GABRB3: variants seen among roughly 807,000 people sequenced by gnomAD.
GABRB3 encodes the protein gamma-aminobutyric acid type A receptor subunit beta3.
A neutral mutation model predicts 52.1 loss-of-function variants in GABRB3; 14 were observed. That is an observed-to-expected ratio of 0.27 (90% CI 0.18 to 0.42). GABRB3 has a LOEUF of 0.42. Ranked by LOEUF, GABRB3 falls within the 10% of genes least tolerant of loss-of-function variation. The pLI is 1.00. For missense variants in GABRB3, 307 were observed against 609.1 expected (o/e 0.50, Z 5.22); for synonymous variants, 260 against 232.3 (o/e 1.12, Z -1.08).
chr15:26,676,061 A>G (rs1888059069), intron 3 of GABRB3, among the ~76,000 whole-genome samples: 1 of 152,200 alleles, frequency 6.6e-6, no homozygotes, highest in Non-Finnish European at 1.5e-5. Flanking sequence ...TGTCCTTAAG[A>G]AAGGAATTGA....
At chr15:26,571,819 G>C (rs1374773895) in intron 6 of GABRB3, among the ~76,000 whole-genome samples, 1 of 152,070 alleles carries the variant, frequency 6.6e-6, no homozygotes, top group Non-Finnish European at 1.5e-5. Context: ...GGAAGTCAAG[G>C]CAGGTGAATC....
intron 7 of GABRB3, among the ~76,000 whole-genome samples, chr15:26,561,487 A>G (rs1466452217): frequency 6.6e-6 from 1 of 150,480 alleles, no homozygotes; most frequent in African/African-American, 2.4e-5. Context: ...AAGAAGAGAT[A>G]TGTAGAGCAG....
chr15:26,766,710 C>T (rs1891006425), intron 3 of GABRB3, among the ~76,000 whole-genome samples: 1 of 151,634 alleles, frequency 6.6e-6, no homozygotes, highest in Non-Finnish European at 1.5e-5. Context: ...ACTGCAACTC[C>T]AACTGCAACC....
intron 3 of GABRB3, among the ~76,000 whole-genome samples, chr15:26,656,328 A>G (rs1350147538): frequency 6.6e-6 from 1 of 152,186 alleles, no homozygotes; most frequent in Non-Finnish European, 1.5e-5. Flanking sequence ...CCTAAACTTC[A>G]TAAATAGCAA....
chr15:26,548,924 A>C (rs1405555928), intron 8 of GABRB3, among the ~76,000 whole-genome samples: 1 of 152,126 alleles, frequency 6.6e-6, no homozygotes, highest in Non-Finnish European at 1.5e-5. Context: ...TTCTTAAATG[A>C]ACTAGTAGCA....
intron 3 of GABRB3, among the ~76,000 whole-genome samples, chr15:26,744,173 C>G (rs1453840901): frequency 6.6e-6 from 1 of 152,130 alleles, no homozygotes; most frequent in Non-Finnish European, 1.5e-5. Flanking sequence ...TCTACATGCT[C>G]TTATCCATGC....
chr15:26,618,555 A>AT, intron 4 of GABRB3, among the ~76,000 whole-genome samples: 1 of 152,376 alleles, frequency 6.6e-6, no homozygotes, highest in Non-Finnish European at 1.5e-5. Flanking sequence ...CCTAAAAACC[A>AT]TAAAAACCCT....
At chr15:26,688,627 C>T (rs1445996194) in intron 3 of GABRB3, among the ~76,000 whole-genome samples, 3 of 152,154 alleles carry the variant, frequency 2.0e-5, no homozygotes, top group Admixed American at 2.0e-4. Context: ...TAAGTTATTG[C>T]TTATGTCCAT....
rs113627408 is a variant in GABRB3, at chr15:26,580,673, C to T, written c.545-217G>A. 2.3e-4 allele frequency: 152 copies of T among 661,222 alleles called. 1 individual carries two copies. Among genetic ancestry groups the T allele is most frequent in the African/African-American group, 2.0e-3 (114 of 56,190 alleles). The allele number at this position is 661,222 out of a possible 1,614,324, so 41.0% of individuals were successfully genotyped here. A position where few individuals can be genotyped will look rare whatever the true frequency, so the allele number is the denominator to read the frequency against. Reference sequence around the variant, plus strand: ...TTGTACCAGGTTGGTACTGAAAAGTCGAGAGGCTGGGGAGAATGGGTGCTC... The same window carrying T: ...TTGTACCAGGTTGGTACTGAAAAGTTGAGAGGCTGGGGAGAATGGGTGCTC... On this transcript the variant is annotated intron_variant, in intron 5 of 8. Transcript: ENST00000311550.
chr15:26,705,976 C>T (rs1443105876), intron 3 of GABRB3, among the ~76,000 whole-genome samples: 3 of 152,238 alleles, frequency 2.0e-5, no homozygotes, highest in Non-Finnish European at 2.9e-5. Flanking sequence ...CAGGATCCAC[C>T]GAAGCCCCAA....
intron 3 of GABRB3, among the ~76,000 whole-genome samples, chr15:26,640,147 A>C (rs532685433): frequency 6.6e-6 from 1 of 152,312 alleles, no homozygotes; most frequent in South Asian, 2.1e-4. Context: ...GAGTTATGAC[A>C]GAGGTATGGA....
intron 3 of GABRB3, among the ~76,000 whole-genome samples, chr15:26,732,701 G>A (rs1174134026): frequency 6.6e-6 from 1 of 152,002 alleles, no homozygotes; most frequent in Non-Finnish European, 1.5e-5. Context: ...CTGAGTAGCT[G>A]GGATAACAGG....
chr15:26,657,525 T>C (rs1466167757), intron 3 of GABRB3, among the ~76,000 whole-genome samples: 1 of 152,192 alleles, frequency 6.6e-6, no homozygotes, highest in Non-Finnish European at 1.5e-5. Context: ...ACTGTATTTA[T>C]TTTCTAAACA....
At chr15:26,597,846 T>C (rs1414783969) in intron 4 of GABRB3, among the ~76,000 whole-genome samples, 1 of 152,190 alleles carries the variant, frequency 6.6e-6, no homozygotes, top group Non-Finnish European at 1.5e-5. Flanking sequence ...ACCCTCAAAA[T>C]TAAATCTTTA....
At chr15:26,744,194 G>A (rs1890278405) in intron 3 of GABRB3, among the ~76,000 whole-genome samples, 1 of 152,124 alleles carries the variant, frequency 6.6e-6, no homozygotes, top group Admixed American at 6.5e-5. Flanking sequence ...AATTGGGCAT[G>A]GTTCAGGACA....
rs1893012593 is a variant in GABRB3 at position 26,634,987 on chromosome 15, TATATATATATATATATATATATA to T, written c.241-13476_241-13454del. Among the ~76,000 whole-genome samples the T allele has an allele frequency of 1.6e-3, 7 of 4,418 alleles. No individual in the cohort carries two copies. The Non-Finnish European group carries it at 0.021, about 13-fold the overall frequency. 2.9% of individuals were successfully genotyped at this position (4,418 alleles called of 152,430 possible). ...AGTAAGAGATATATGTATCTCTAAA[TATATATATATATATATATATATA>T]ATATATATATATTTAGAGAGGAAGA... is the stretch of plus-strand genomic sequence containing the variant. On this transcript the variant is annotated intron_variant, in intron 3 of 8. Transcript: ENST00000311550.
intron 3 of GABRB3, among the ~76,000 whole-genome samples, chr15:26,752,153 T>C (rs1238621416): frequency 2.0e-5 from 3 of 152,136 alleles, no homozygotes; most frequent in Non-Finnish European, 4.4e-5. Context: ...AAGGGAAGGG[T>C]GATCAGCAAC....
intron 3 of GABRB3, among the ~76,000 whole-genome samples, chr15:26,691,157 T>C (rs1250796727): frequency 6.6e-6 from 1 of 152,086 alleles, no homozygotes; most frequent in East Asian, 2.0e-4. Flanking sequence ...AGTCTTGCTC[T>C]CCCTGCTCTG....
At chr15:26,746,554 T>C (rs1400382590) in intron 3 of GABRB3, among the ~76,000 whole-genome samples, 10 of 151,700 alleles carry the variant, frequency 6.6e-5, no homozygotes, top group Admixed American at 6.6e-4. Context: ...TTCCGAAGTT[T>C]TACATTTTAC....
Sources: gnomAD v4.1 joint callset for allele counts (sites outside exome capture counted in the v4.1 genomes callset) on GRCh38, gnomAD v4.1.1 for gene constraint, MANE v1.5 for transcripts, NCBI Gene and HGNC (gene_info 2026-07-23, HGNC 2026-07-21) for gene names.